The following OPTN variants were observed in gnomAD, a reference collection of about 807,000 sequenced individuals.
OPTN encodes the protein E3-14.7K-interacting protein.
In OPTN, 54 loss-of-function variants were observed where a neutral mutation model predicts 70.4. That is an observed-to-expected ratio of 0.77 (90% CI 0.62 to 0.96). The LOEUF (loss-of-function observed/expected upper bound fraction) is 0.96. Among genes scored for constraint, OPTN ranks in the 40% least tolerant of loss-of-function variants. The probability of loss-of-function intolerance (pLI) is 0.00; values close to 1 mark genes in which losing one functional copy is unlikely to be tolerated. For missense variants in OPTN, 624 were observed against 673.2 expected (o/e 0.93, Z 0.81); for synonymous variants, 256 against 248.5 (o/e 1.03, Z -0.28).
intron 13 of OPTN, 24 bp from the exon 14 acceptor site, chr10:13,133,478 G>A: frequency 6.2e-7 from 1 of 1,609,364 alleles, no homozygotes; most frequent in Non-Finnish European, 8.5e-7. Context: ...ACATCACACA[G>A]CGTGTTGCTT....
intron 7 of OPTN, among the ~76,000 whole-genome samples, chr10:13,121,153 A>G (rs1425185569): frequency 2.6e-5 from 4 of 152,154 alleles, no homozygotes; most frequent in African/African-American, 4.8e-5. Context: ...AAGCCTAACC[A>G]TATGAGGAAG....
chr10:13,114,879 T>TA lies in OPTN; in HGVS notation c.553-1388_553-1387insA, dbSNP rs34327051. ...TATATTCTACAATTATATAATTGTA[T>TA]TATATACACTTACATATGTATCTGT... On this transcript the variant is annotated intron_variant, in intron 5 of 14. Transcript: ENST00000378747. Among the ~76,000 whole-genome samples, 35 of 64,622 alleles carry TA rather than the reference T, an allele frequency of 5.4e-4. 8 individuals are homozygous for TA. The highest frequency in any genetic ancestry group is 2.1e-3 in the African/African-American group (33 of 15,624). The allele number at this position is 64,622 out of a possible 152,430, so 42.4% of individuals were successfully genotyped here.
At chr10:13,126,373 T>C (rs674051) in intron 11 of OPTN, among the ~76,000 whole-genome samples, 111,709 of 142,572 alleles carry the variant, frequency 0.78, 43,398 homozygotes, top group Middle Eastern at 0.93. Context: ...CTCCGCCTCC[T>C]GGGTTCACGC....
intron 12 of OPTN, among the ~76,000 whole-genome samples, 153 bp downstream of exon 12, chr10:13,128,056 A>T (rs1421749856): frequency 6.6e-6 from 1 of 152,244 alleles, no homozygotes; most frequent in Non-Finnish European, 1.5e-5. Context: ...AAACATTTGG[A>T]AAGTGCTCAG....
intron 5 of OPTN, among the ~76,000 whole-genome samples, chr10:13,114,660 A>G (rs980452714): frequency 3.4e-5 from 5 of 146,144 alleles, no homozygotes; most frequent in Admixed American, 2.1e-4. Context: ...ATATGTATCT[A>G]TGTTTTTTAT....
chr10:13,111,846 T>G (rs1166223054), intron 4 of OPTN, among the ~76,000 whole-genome samples: 19 of 81,292 alleles, frequency 2.3e-4, no homozygotes, highest in African/African-American at 9.9e-4. Context: ...TTTTGACTGT[T>G]TTTTTTTTTT....
At chr10:13,115,526 A>AAT (rs1564360079) in intron 5 of OPTN, among the ~76,000 whole-genome samples, 1 of 107,102 alleles carries the variant, frequency 9.3e-6, no homozygotes, top group African/African-American at 4.0e-5. Flanking sequence ...TATATTCTAT[A>AAT]ATATATAATA....
chr10:13,116,401 C>A, intron 6 of OPTN, 61 bp downstream of exon 6: 1 of 1,164,534 alleles, frequency 8.6e-7, no homozygotes, highest in Non-Finnish European at 1.3e-6. Context: ...TCACTGGGTG[C>A]TTGTCACCGG....
intron 1 of OPTN, among the ~76,000 whole-genome samples, chr10:13,107,670 C>T (rs532749899): frequency 2.1e-4 from 32 of 152,116 alleles, no homozygotes; most frequent in African/African-American, 6.5e-4. Flanking sequence ...CGTGAGCCAC[C>T]GCGCCCGGCT....
chr10:13,127,346 T>A (rs1324322471), intron 11 of OPTN, among the ~76,000 whole-genome samples: 1 of 152,208 alleles, frequency 6.6e-6, no homozygotes, highest in East Asian at 1.9e-4. Context: ...TTCCACTGAC[T>A]GCAGGAAGTA....
chr10:13,110,964 A>G (rs1184272226), intron 4 of OPTN, among the ~76,000 whole-genome samples: 1 of 152,234 alleles, frequency 6.6e-6, no homozygotes, highest in African/African-American at 2.4e-5. Context: ...AGGCTATCGC[A>G]TTGCCACAGA....
rs1400482408 is a variant in OPTN, at chr10:13,136,087, C to T, written c.1613-658C>T. On this transcript the variant is annotated intron_variant, in intron 14 of 14. Coordinates refer to ENST00000378747, the MANE Select transcript of OPTN (RefSeq NM_001008212.2). The stretch of plus-strand genomic sequence containing the variant: ...CTGTAGTCGCAGCTATTCAGGAGGC[C>T]GAGGCAGGAGGGTCACTGGATCCCA... 5.3e-5 allele frequency among the ~76,000 whole-genome samples: 8 copies of T among 151,848 alleles called. No individual in the cohort carries two copies. In the South Asian group the frequency reaches 1.0e-3, roughly 20 times the overall value.
intron 5 of OPTN, among the ~76,000 whole-genome samples, chr10:13,114,792 A>ATAC (rs1833095052): frequency 1.9e-5 from 2 of 104,088 alleles, no homozygotes; most frequent in Non-Finnish European, 3.6e-5. Flanking sequence ...ATAATTATAT[A>ATAC]ATTATATATA....
intron 5 of OPTN, among the ~76,000 whole-genome samples, chr10:13,115,052 T>C (rs1487586492): frequency 1.2e-5 from 1 of 83,566 alleles, no homozygotes; most frequent in Non-Finnish European, 2.1e-5. Context: ...TATATAGATA[T>C]ATCTATATGT....
chr10:13,134,149 A>C (rs1398825388), intron 14 of OPTN, among the ~76,000 whole-genome samples: 1 of 152,190 alleles, frequency 6.6e-6, no homozygotes, highest in African/African-American at 2.4e-5. Context: ...CTGTTCTCTT[A>C]CAGACATTAG....
intron 4 of OPTN, among the ~76,000 whole-genome samples, chr10:13,112,135 CA>C (rs1176317012): frequency 2.7e-5 from 4 of 149,756 alleles, no homozygotes. Context: ...AGGCGTGAGC[CA>C]CCACGCCTGG....
chr10:13,109,417 C>A, intron 3 of OPTN, 129 bp downstream of exon 3: 1 of 899,170 alleles, frequency 1.1e-6, no homozygotes, highest in Non-Finnish European at 1.7e-6. Context: ...TGGGGAAGCA[C>A]AGGATTTAGC....
intron 6 of OPTN, among the ~76,000 whole-genome samples, chr10:13,117,080 C>CTTT (rs560052353): frequency 0.41 from 49,558 of 121,140 alleles, 11,352 homozygotes; most frequent in East Asian, 0.52. Context: ...CTAAGGATCT[C>CTTT]TTTTTTTTTT....
chr10:13,118,798 C>A, intron 6 of OPTN, 90 bp from the exon 7 acceptor site: 1 of 1,152,072 alleles, frequency 8.7e-7, no homozygotes, highest in Non-Finnish European at 1.3e-6. Context: ...AAAGCAGTTC[C>A]TTTAAGCTGG....
Sources: gnomAD v4.1 joint callset for allele counts (sites outside exome capture counted in the v4.1 genomes callset) on GRCh38, gnomAD v4.1.1 for gene constraint, MANE v1.5 for transcripts, NCBI Gene and HGNC (gene_info 2026-07-23, HGNC 2026-07-21) for gene names.